Variants in DCDC1 observed in about 807,000 individuals in gnomAD.
DCDC1 encodes doublecortin domain-containing protein 1.
Under a neutral mutation model 178.3 loss-of-function variants are expected in DCDC1, and 200 were observed. That is an observed-to-expected ratio of 1.12 (90% CI 1.00 to 1.26). DCDC1 has a LOEUF of 1.26. Ranked by LOEUF, DCDC1 falls within the 50% of genes most tolerant of loss-of-function variation. DCDC1 has a pLI of 0.00. For missense variants in DCDC1, 1,983 were observed against 1,749.2 expected, an observed-to-expected ratio of 1.13 and a Z score of -2.38; for synonymous variants, 690 against 604.8, an observed-to-expected ratio of 1.14 and a Z score of -2.07.
At chr11:30,910,547 G>C (rs1945368952) in intron 28 of DCDC1, among the ~76,000 whole-genome samples, 1 of 152,124 alleles carries the variant, frequency 6.6e-6, no homozygotes, top group Non-Finnish European at 1.5e-5. Context: ...TGAAACAAAT[G>C]TTATCTGGAG....
intron 17 of DCDC1, among the ~76,000 whole-genome samples, chr11:31,090,154 G>A (rs1957728256): frequency 6.6e-6 from 1 of 152,152 alleles, no homozygotes; most frequent in Admixed American, 6.5e-5. Flanking sequence ...TAGGAACTAT[G>A]TATTTAGGAC....
intron 20 of DCDC1, among the ~76,000 whole-genome samples, chr11:31,035,447 T>C (rs533888276): frequency 1.8e-4 from 28 of 152,366 alleles, no homozygotes; most frequent in African/African-American, 5.5e-4. Context: ...ATGACGTTTA[T>C]GCTTTTGAAG....
At chr11:31,326,017 A>G (rs1949626496) in intron 3 of DCDC1, among the ~76,000 whole-genome samples, 1 of 152,134 alleles carries the variant, frequency 6.6e-6, no homozygotes, top group Admixed American at 6.5e-5. Flanking sequence ...TTTCAGATTG[A>G]AACTCATCAT....
At chr11:30,895,996 T>G (rs1201394004) in intron 34 of DCDC1, among the ~76,000 whole-genome samples, 1 of 152,180 alleles carries the variant, frequency 6.6e-6, no homozygotes, top group African/African-American at 2.4e-5. Context: ...GGATTGAGTA[T>G]AGAAAACAGG....
intron 7 of DCDC1, among the ~76,000 whole-genome samples, chr11:31,274,157 T>C (rs1052733548): frequency 6.6e-6 from 1 of 152,196 alleles, no homozygotes; most frequent in Non-Finnish European, 1.5e-5. Flanking sequence ...GGATCATGCA[T>C]ATTCATTCAC....
intron 20 of DCDC1, among the ~76,000 whole-genome samples, chr11:31,023,593 T>A (rs1953034614): frequency 2.0e-5 from 3 of 152,054 alleles, no homozygotes; most frequent in Admixed American, 2.0e-4. Flanking sequence ...AATTACATAC[T>A]TTAAAATAAT....
At chr11:31,343,666 C>T (rs956571959) in intron 1 of DCDC1, among the ~76,000 whole-genome samples, 1 of 152,062 alleles carries the variant, frequency 6.6e-6, no homozygotes, top group African/African-American at 2.4e-5. Flanking sequence ...CACCTATAAT[C>T]CCAGCATTTT....
At chr11:31,175,320 C>G (rs983621530) in intron 9 of DCDC1, among the ~76,000 whole-genome samples, 1 of 152,188 alleles carries the variant, frequency 6.6e-6, no homozygotes, top group Admixed American at 6.5e-5. Context: ...CCCCACACAA[C>G]CATAACCCTG....
At chr11:31,328,946 T>A (rs1480718564) in intron 2 of DCDC1, among the ~76,000 whole-genome samples, 1 of 90,756 alleles carries the variant, frequency 1.1e-5, no homozygotes, top group Non-Finnish European at 2.3e-5. Context: ...ACCACAAGGC[T>A]TTTTTTTTTT....
At chr11:31,004,328 C>G (rs930186764) in intron 20 of DCDC1, among the ~76,000 whole-genome samples, 135 of 152,022 alleles carry the variant, frequency 8.9e-4, no homozygotes, top group African/African-American at 3.0e-3. Context: ...AGAAACTAAT[C>G]CAGAATGTCT....
chr11:30,883,096 A>C (rs1454386885), intron 36 of DCDC1: 1 of 152,788 alleles, frequency 6.5e-6, no homozygotes, highest in South Asian at 2.1e-4. Context: ...GGAAATAATT[A>C]GTATCCACCT....
intron 12 of DCDC1, among the ~76,000 whole-genome samples, chr11:31,108,171 G>A (rs572620640): frequency 3.9e-5 from 6 of 152,302 alleles, no homozygotes; most frequent in Non-Finnish European, 5.9e-5. Context: ...CCTACTTAGA[G>A]ATACGTAATA....
intron 11 of DCDC1, among the ~76,000 whole-genome samples, chr11:31,126,667 C>T (rs1008240150): frequency 6.6e-6 from 1 of 152,042 alleles, no homozygotes; most frequent in African/African-American, 2.4e-5. Context: ...TTGTAGTAAC[C>T]ATGATTTCTT....
chr11:31,041,854 T>C (rs1045830155), intron 20 of DCDC1, among the ~76,000 whole-genome samples: 1 of 152,154 alleles, frequency 6.6e-6, no homozygotes, highest in Non-Finnish European at 1.5e-5. Flanking sequence ...GTCTAAAAGA[T>C]AAAAGAAGTA....
intron 20 of DCDC1, among the ~76,000 whole-genome samples, chr11:30,957,893 C>G (rs1308657667): frequency 6.6e-6 from 1 of 152,176 alleles, no homozygotes; most frequent in Non-Finnish European, 1.5e-5. Flanking sequence ...CCTTAACTTA[C>G]ACCTATGGCC....
At chr11:31,045,912 G>C (rs774170637) in intron 20 of DCDC1, among the ~76,000 whole-genome samples, 3 of 152,050 alleles carry the variant, frequency 2.0e-5, no homozygotes, top group Non-Finnish European at 4.4e-5. Context: ...TTCTCCAGTG[G>C]TAATATCTTA....
At chr11:31,078,936 G>A (rs1340504269) in intron 17 of DCDC1, among the ~76,000 whole-genome samples, 1 of 151,952 alleles carries the variant, frequency 6.6e-6, no homozygotes, top group Non-Finnish European at 1.5e-5. Context: ...CTAGAATAAT[G>A]AGGGCAGTGA....
chr11:31,044,403 G>C (rs1954683660), intron 20 of DCDC1, among the ~76,000 whole-genome samples: 1 of 151,372 alleles, frequency 6.6e-6, no homozygotes, highest in Non-Finnish European at 1.5e-5. Context: ...GCATGAACCC[G>C]GGAGGCGGAG....
intron 17 of DCDC1, among the ~76,000 whole-genome samples, chr11:31,078,501 A>G (rs1489769134): frequency 6.6e-6 from 1 of 152,208 alleles, no homozygotes; most frequent in Non-Finnish European, 1.5e-5. Flanking sequence ...ACAAAAATGA[A>G]TTAAATTAAG....
Sources: gnomAD v4.1 joint callset for allele counts (sites outside exome capture counted in the v4.1 genomes callset) on GRCh38, gnomAD v4.1.1 for gene constraint, MANE v1.5 for transcripts, NCBI Gene and HGNC (gene_info 2026-07-23, HGNC 2026-07-21) for gene names.